MCU: variants seen among roughly 807,000 people sequenced by gnomAD.
MCU encodes the protein calcium uniporter protein, mitochondrial.
A neutral mutation model predicts 45.2 loss-of-function variants in MCU; 12 were observed. That is an observed-to-expected ratio of 0.27 (90% CI 0.17 to 0.43). The LOEUF is 0.43. Ranked by LOEUF, MCU falls within the 20% of genes least tolerant of loss-of-function variation. MCU has a pLI of 1.00. For missense variants in MCU, 324 were observed against 436.7 expected (o/e 0.74, Z 2.30); for synonymous variants, 160 against 165.1 (o/e 0.97, Z 0.24).
chr10:72,735,000 C>T (rs887709339), intron 1 of MCU, among the ~76,000 whole-genome samples: 2 of 150,446 alleles, frequency 1.3e-5, no homozygotes, highest in African/African-American at 4.9e-5. Context: ...TGCCTGAGCT[C>T]AGGAGGTTGA....
chr10:72,715,048 CATT>C, intron 1 of MCU: 1 of 339,844 alleles, frequency 2.9e-6, no homozygotes, highest in African/African-American at 2.2e-5. Flanking sequence ...GAGGTACCCA[CATT>C]AGCAGGCTCA....
At chr10:72,776,548 G>A (rs189690341) in intron 1 of MCU, among the ~76,000 whole-genome samples, 1 of 152,164 alleles carries the variant, frequency 6.6e-6, no homozygotes, top group East Asian at 1.9e-4. Flanking sequence ...CATCAAAATG[G>A]GTATAGAAGG....
intron 2 of MCU, among the ~76,000 whole-genome samples, chr10:72,847,351 A>C (rs984128270): frequency 6.6e-6 from 1 of 152,214 alleles, no homozygotes; most frequent in Admixed American, 6.5e-5. Flanking sequence ...ACTCGTGTCA[A>C]CTGAAGAATT....
chr10:72,834,252 A>G (rs374588740), intron 1 of MCU, 107 bp from the exon 2 acceptor site: 4 of 637,344 alleles, frequency 6.3e-6, no homozygotes, highest in Non-Finnish European at 1.0e-5. Context: ...TCTACAAAGC[A>G]TGCATATTAC....
intron 1 of MCU, among the ~76,000 whole-genome samples, chr10:72,737,908 C>CCTAGGAACTCCGTATT (rs1455436747): frequency 8.5e-5 from 13 of 152,110 alleles, no homozygotes; most frequent in African/African-American, 3.1e-4. Flanking sequence ...TTCTTATATT[C>CCTAGGAACTCCGTATT]CTAGGAACTC....
At position 72,804,047 on chromosome 10, in the gene MCU, TATATATATATATATATATATATATATAA is replaced by T. The variant is rs1455818843; in HGVS notation, c.151-30310_151-30283del. ...ATATATATATATATATATATATATA[TATATATATATATATATATATATATATAA>T]AATAAGAGTGCCAACAATTTACATT... is the stretch of plus-strand genomic sequence containing the variant. On this transcript the variant is annotated intron_variant, in intron 1 of 7. Coordinates refer to ENST00000373053, the MANE Select transcript of MCU (RefSeq NM_138357.3). 6.4e-4 allele frequency among the ~76,000 whole-genome samples: 52 copies of T among 80,920 alleles called. 2 individuals carry two copies. The highest frequency in any genetic ancestry group is 3.0e-3 in the African/African-American group (52 of 17,352). 53.1% of individuals were successfully genotyped at this position (80,920 alleles called of 152,430 possible).
At chr10:72,793,309 T>C (rs907387208) in intron 1 of MCU, among the ~76,000 whole-genome samples, 2 of 152,242 alleles carry the variant, frequency 1.3e-5, no homozygotes, top group Non-Finnish European at 2.9e-5. Flanking sequence ...AAGCCAGATA[T>C]TGAAACCACT....
intron 2 of MCU, 65 bp downstream of exon 2, chr10:72,834,493 T>C: frequency 7.3e-7 from 1 of 1,371,356 alleles, no homozygotes; most frequent in South Asian, 1.2e-5. Context: ...GTGTTTCCTA[T>C]TCTCTGACAC....
At chr10:72,747,442 T>C (rs966250070) in intron 1 of MCU, among the ~76,000 whole-genome samples, 8 of 152,238 alleles carry the variant, frequency 5.3e-5, no homozygotes, top group African/African-American at 1.7e-4. Context: ...ATAAGGACTG[T>C]TCTTGTTACA....
intron 6 of MCU, among the ~76,000 whole-genome samples, chr10:72,875,953 C>T (rs1355907507): frequency 3.9e-5 from 6 of 152,112 alleles, no homozygotes; most frequent in African/African-American, 2.4e-5. Flanking sequence ...GGAGTAAAAA[C>T]ATATTGCATA....
chr10:72,693,055 G>A, intron 1 of MCU: 1 of 1,536,164 alleles, frequency 6.5e-7, no homozygotes, highest in Non-Finnish European at 8.7e-7. Context: ...AGGCACAGGA[G>A]AAGCGAATAT....
chr10:72,737,766 C>G (rs1289467055), intron 1 of MCU, among the ~76,000 whole-genome samples: 1 of 152,086 alleles, frequency 6.6e-6, no homozygotes, highest in Non-Finnish European at 1.5e-5. Context: ...GTGATCCTCA[C>G]CGCCCCAACT....
At chr10:72,779,495 A>G (rs1262752506) in intron 1 of MCU, among the ~76,000 whole-genome samples, 1 of 152,166 alleles carries the variant, frequency 6.6e-6, no homozygotes, top group African/African-American at 2.4e-5. Flanking sequence ...TAAAAAAACA[A>G]CCCACTAAAT....
intron 2 of MCU, among the ~76,000 whole-genome samples, chr10:72,854,594 T>A (rs988294053): frequency 6.6e-6 from 1 of 152,170 alleles, no homozygotes; most frequent in Non-Finnish European, 1.5e-5. Context: ...TAAAGATGTA[T>A]AACATAGAGC....
intron 4 of MCU, chr10:72,861,760 G>T: frequency 3.0e-6 from 1 of 328,834 alleles, no homozygotes; most frequent in Non-Finnish European, 5.9e-6. Context: ...GCCTCCCAAA[G>T]TGCCGAGATT....
intron 1 of MCU, among the ~76,000 whole-genome samples, chr10:72,761,221 A>G (rs1564549332): frequency 6.6e-6 from 1 of 152,226 alleles, no homozygotes; most frequent in Non-Finnish European, 1.5e-5. Context: ...ACCTGTGTAA[A>G]TGCTAACCAT....
At chr10:72,871,953 G>A (rs886598560) in intron 6 of MCU, among the ~76,000 whole-genome samples, 1 of 152,150 alleles carries the variant, frequency 6.6e-6, no homozygotes, top group Non-Finnish European at 1.5e-5. Context: ...AAAGTCCCAT[G>A]CTTTTTATTT....
intron 3 of MCU, chr10:72,860,082 T>A (rs1052568867): frequency 1.6e-5 from 3 of 188,424 alleles, no homozygotes; most frequent in South Asian, 1.2e-4. Flanking sequence ...TGTCAGAAAA[T>A]TTTTTTTTGA....
intron 2 of MCU, among the ~76,000 whole-genome samples, chr10:72,856,983 G>T (rs1311984309): frequency 6.7e-6 from 1 of 149,706 alleles, no homozygotes; most frequent in African/African-American, 2.5e-5. Context: ...GTCCCACTCG[G>T]TTGCTCAGGC....
Sources: allele counts gnomAD v4.1 joint callset (sites outside exome capture counted in the v4.1 genomes callset), GRCh38; gene constraint gnomAD v4.1.1; transcripts MANE v1.5; gene names NCBI Gene and HGNC (gene_info 2026-07-23, HGNC 2026-07-21).